The following ATF7 variants were observed in gnomAD, a reference collection of about 807,000 sequenced individuals.
The protein encoded by ATF7 is activating transcription factor 7.
In ATF7, 10 loss-of-function variants were observed where a neutral mutation model predicts 50.4. That is an observed-to-expected ratio of 0.20 (90% CI 0.12 to 0.34). The LOEUF is 0.34. Ranked by LOEUF, ATF7 falls within the 10% of genes least tolerant of loss-of-function variation. The probability of loss-of-function intolerance (pLI) is 1.00; values close to 1 mark genes in which losing one functional copy is unlikely to be tolerated. For synonymous variants in ATF7, 201 were observed against 226.4 expected, an observed-to-expected ratio of 0.89 and a Z score of 1.01; for missense variants, 465 against 613.9, an observed-to-expected ratio of 0.76 and a Z score of 2.56.
intron 2 of ATF7, among the ~76,000 whole-genome samples, chr12:53,572,965 A>G (rs1470709112): frequency 3.3e-5 from 5 of 151,360 alleles, no homozygotes; most frequent in Non-Finnish European, 7.4e-5. Flanking sequence ...TTGTGTTTTT[A>G]GTAGAGACGG....
At chr12:53,571,570 G>A (rs1941763752) in intron 2 of ATF7, among the ~76,000 whole-genome samples, 1 of 150,974 alleles carries the variant, frequency 6.6e-6, no homozygotes, top group African/African-American at 2.4e-5. Flanking sequence ...AGAAGACTGA[G>A]AAGGGAGGAT....
intron 2 of ATF7, among the ~76,000 whole-genome samples, chr12:53,588,747 C>T (rs184096040): frequency 2.0e-5 from 3 of 152,160 alleles, no homozygotes; most frequent in Admixed American, 1.3e-4. Context: ...GTTCTGTCTA[C>T]GTTTCTGGTT....
At chr12:53,607,131 T>G (rs942056640) in intron 1 of ATF7, among the ~76,000 whole-genome samples, 2 of 152,210 alleles carry the variant, frequency 1.3e-5, no homozygotes, top group Non-Finnish European at 2.9e-5. Flanking sequence ...CCCTGAGGAA[T>G]GGCCACACTG....
At chr12:53,555,812 TTTTTG>T (rs1046344987) in intron 2 of ATF7, among the ~76,000 whole-genome samples, 2 of 148,488 alleles carry the variant, frequency 1.3e-5, no homozygotes, top group African/African-American at 2.5e-5. Context: ...GCCCCGTCTT[TTTTTG>T]TTTTGTTTTG....
At chr12:53,518,045 A>T (rs1937837518) in intron 11 of ATF7, among the ~76,000 whole-genome samples, 1 of 151,836 alleles carries the variant, frequency 6.6e-6, no homozygotes, top group Non-Finnish European at 1.5e-5. Context: ...TTGAATTTTT[A>T]GTAGAGATGG....
chr12:53,569,004 A>C (rs1377482009), intron 2 of ATF7, among the ~76,000 whole-genome samples: 1 of 152,068 alleles, frequency 6.6e-6, no homozygotes, highest in East Asian at 1.9e-4. Context: ...TAAAAAATTT[A>C]AAGAGTAGCC....
chr12:53,574,880 T>C, intron 2 of ATF7: 1 of 356,596 alleles, frequency 2.8e-6, no homozygotes, highest in South Asian at 2.5e-5. Context: ...ATGGGGAGCA[T>C]TCAAGTGTGC....
At position 53,595,054 on chromosome 12, in the gene ATF7, G is replaced by T. The variant is rs575457473; in HGVS notation, c.48+5899C>A. On this transcript the variant is annotated intron_variant, in intron 2 of 11. Transcript: ENST00000420353. ...TAAGGTTTAGCATTTGGCCTAATTT[G>T]TGTATAATGCCGTGTATTTTCAGCT... 2.4e-3 allele frequency among the ~76,000 whole-genome samples: 362 copies of T among 152,298 alleles called. 1 individual carries two copies. The highest frequency in any genetic ancestry group is 7.2e-3 in the African/African-American group (298 of 41,544).
At chr12:53,546,987 T>C (rs1939970819) in intron 3 of ATF7, among the ~76,000 whole-genome samples, 2 of 135,536 alleles carry the variant, frequency 1.5e-5, no homozygotes, top group Non-Finnish European at 3.0e-5. Context: ...CTTTTTTTTT[T>C]TTTTTTTTTT....
At chr12:53,593,971 A>T (rs554053241) in intron 2 of ATF7, among the ~76,000 whole-genome samples, 49 of 152,360 alleles carry the variant, frequency 3.2e-4, no homozygotes, top group Admixed American at 1.4e-3. Context: ...AAATACGCTA[A>T]CCAGAGAGAG....
intron 3 of ATF7, among the ~76,000 whole-genome samples, chr12:53,544,336 G>A (rs576086915): frequency 6.6e-6 from 1 of 152,240 alleles, no homozygotes; most frequent in South Asian, 2.1e-4. Context: ...ATTACGATGG[G>A]TTTCATTGGC....
chr12:53,542,955 C>G, intron 4 of ATF7: 1 of 1,101,034 alleles, frequency 9.1e-7, no homozygotes, highest in Non-Finnish European at 1.1e-6. Flanking sequence ...GAAGTCTGAT[C>G]AGCTCAGAAA....
At chr12:53,555,804 C>T (rs1940711795) in intron 2 of ATF7, among the ~76,000 whole-genome samples, 2 of 150,866 alleles carry the variant, frequency 1.3e-5, no homozygotes, top group Non-Finnish European at 2.9e-5. Context: ...GCCATCATGC[C>T]CCGTCTTTTT....
intron 3 of ATF7, among the ~76,000 whole-genome samples, chr12:53,546,200 C>A (rs1939894978): frequency 6.6e-6 from 1 of 151,404 alleles, no homozygotes; most frequent in Non-Finnish European, 1.5e-5. Flanking sequence ...CTCAAAAAAA[C>A]AAACAAACAA....
At chr12:53,583,888 CT>C (rs1177095514) in intron 2 of ATF7, among the ~76,000 whole-genome samples, 13 of 152,198 alleles carry the variant, frequency 8.5e-5, no homozygotes, top group African/African-American at 2.9e-4. Context: ...GGGCAACGGA[CT>C]TTAGTCAGAC....
rs750230653 is a variant in ATF7 at position 53,532,543 on chromosome 12, G to A, written c.741C>T (p.Pro247=). 2 of 1,606,282 alleles carry A rather than the reference G, an allele frequency of 1.2e-6. No individual in the cohort carries two copies. Among genetic ancestry groups the A allele is most frequent in the Middle Eastern group, 1.7e-4 (1 of 6,052 alleles). Residue 247 remains proline, a synonymous_variant, in exon 8 of 12, where the codon CCC becomes CCT. Coordinates refer to ENST00000420353, the MANE Select transcript of ATF7 (RefSeq NM_006856.3). The stretch of plus-strand genomic sequence containing the variant: ...CTTCTGATGGTATAGGGTGGCCAGA[G>A]GGAGAAATGGAGCCACTACTGTTAA... ...PPVNSSGSIS[P]SGHPIPSEAK... is the part of the protein sequence containing the mutation.
At chr12:53,611,682 C>T (rs1327185571) in intron 1 of ATF7, among the ~76,000 whole-genome samples, 2 of 152,110 alleles carry the variant, frequency 1.3e-5, no homozygotes, top group Non-Finnish European at 2.9e-5. Context: ...CCTCTGCCTC[C>T]TGGGTTCAAG....
intron 2 of ATF7, among the ~76,000 whole-genome samples, chr12:53,556,516 G>T (rs1402908792): frequency 6.6e-6 from 1 of 152,196 alleles, no homozygotes; most frequent in African/African-American, 2.4e-5. Context: ...AGAATGGCTT[G>T]AACCCAGGAG....
In ATF7 at chr12:53,554,590, C is replaced by T. The variant is rs184823851; in HGVS notation, c.49-1953G>A. Among the ~76,000 whole-genome samples the T allele has an allele frequency of 2.2e-3, 330 of 151,048 alleles. 1 individual carries two copies. The highest frequency in any genetic ancestry group is 7.3e-3 in the African/African-American group (301 of 41,224). ...CCCTTTCTCAAAAAAGGGCCAGGTG[C>T]GGTGGCTGATGCCTGTAATCCCAGC... On this transcript the variant is annotated intron_variant, in intron 2 of 11. Coordinates refer to ENST00000420353, the MANE Select transcript of ATF7 (RefSeq NM_006856.3).
Sources: allele counts gnomAD v4.1 joint callset (sites outside exome capture counted in the v4.1 genomes callset), GRCh38; gene constraint gnomAD v4.1.1; transcripts MANE v1.5; gene names NCBI Gene and HGNC (gene_info 2026-07-23, HGNC 2026-07-21).